AGBL1: variants seen among roughly 807,000 people sequenced by gnomAD.
AGBL1 encodes cytosolic carboxypeptidase 4.
In AGBL1, 130 loss-of-function variants were observed where a neutral mutation model predicts 118.9. That is an observed-to-expected ratio of 1.09 (90% CI 0.95 to 1.26). The LOEUF is 1.26. Ranked by LOEUF, AGBL1 falls within the 50% of genes most tolerant of loss-of-function variation. AGBL1 has a pLI of 0.00. For missense variants in AGBL1, 1,584 were observed against 1,298.1 expected (o/e 1.22, Z -3.38); for synonymous variants, 555 against 478.9 (o/e 1.16, Z -2.08).
At chr15:86,662,092 C>T (rs956742141) in intron 21 of AGBL1, among the ~76,000 whole-genome samples, 1 of 146,876 alleles carries the variant, frequency 6.8e-6, no homozygotes, top group Non-Finnish European at 1.5e-5. Flanking sequence ...ATCAAATGAC[C>T]ATGTAAAATT....
intron 18 of AGBL1, among the ~76,000 whole-genome samples, chr15:86,415,074 G>A (rs74025125): frequency 0.013 from 1,916 of 152,252 alleles, 40 homozygotes; most frequent in African/African-American, 0.044. Flanking sequence ...TTGCTATTAC[G>A]AAGGCCTCAG....
At chr15:86,997,456 A>G (rs2081390712) in intron 24 of AGBL1, among the ~76,000 whole-genome samples, 1 of 152,210 alleles carries the variant, frequency 6.6e-6, no homozygotes, top group Non-Finnish European at 1.5e-5. Context: ...AAATAATTGA[A>G]GACTAAATTA....
intron 5 of AGBL1, among the ~76,000 whole-genome samples, chr15:86,188,066 T>C (rs2077661337): frequency 1.3e-5 from 2 of 152,238 alleles, no homozygotes; most frequent in African/African-American, 4.8e-5. Context: ...TGCTTAATAG[T>C]AGCTACTGAA....
At chr15:86,792,848 A>G (rs572880876) in intron 22 of AGBL1, among the ~76,000 whole-genome samples, 1 of 152,206 alleles carries the variant, frequency 6.6e-6, no homozygotes, top group Non-Finnish European at 1.5e-5. Context: ...AAGGTTAGAG[A>G]AGTCAAAGCT....
intron 5 of AGBL1, among the ~76,000 whole-genome samples, chr15:86,207,168 A>G (rs180845815): frequency 2.0e-5 from 3 of 152,042 alleles, no homozygotes; most frequent in Non-Finnish European, 4.4e-5. Flanking sequence ...CCATTGGTCT[A>G]TCTCTCTGTT....
intron 17 of AGBL1, among the ~76,000 whole-genome samples, chr15:86,375,205 A>C (rs185890123): frequency 6.6e-6 from 1 of 152,184 alleles, no homozygotes; most frequent in African/African-American, 2.4e-5. Context: ...TAAGTAATTT[A>C]TAAAGAAAAG....
At chr15:86,789,305 A>G (rs1362552197) in intron 22 of AGBL1, among the ~76,000 whole-genome samples, 3 of 152,250 alleles carry the variant, frequency 2.0e-5, no homozygotes, top group African/African-American at 4.8e-5. Flanking sequence ...GGGAAGTAGC[A>G]TAATGCAGAC....
At chr15:86,876,799 A>G (rs1260002018) in intron 22 of AGBL1, among the ~76,000 whole-genome samples, 1 of 152,176 alleles carries the variant, frequency 6.6e-6, no homozygotes, top group Non-Finnish European at 1.5e-5. Flanking sequence ...TGCAGAATGT[A>G]GTTGGCTGAG....
chr15:86,189,208 C>T (rs910136812), intron 5 of AGBL1, among the ~76,000 whole-genome samples: 5 of 152,134 alleles, frequency 3.3e-5, no homozygotes, highest in Admixed American at 6.5e-5. Flanking sequence ...GGTTAAACTT[C>T]GTGTTTTAAA....
chr15:86,238,174 C>G (rs895181836), intron 6 of AGBL1, among the ~76,000 whole-genome samples: 14 of 152,232 alleles, frequency 9.2e-5, no homozygotes, highest in Middle Eastern at 3.4e-3. Context: ...TGTGAAATTG[C>G]CTTGTTTAGT....
At chr15:86,728,245 T>C (rs945523759) in intron 22 of AGBL1, among the ~76,000 whole-genome samples, 1 of 152,244 alleles carries the variant, frequency 6.6e-6, no homozygotes, top group Non-Finnish European at 1.5e-5. Flanking sequence ...CAGGTGGACC[T>C]GGGGCCTTTG....
At chr15:86,991,611 C>G (rs893985792) in intron 24 of AGBL1, among the ~76,000 whole-genome samples, 1 of 152,040 alleles carries the variant, frequency 6.6e-6, no homozygotes, top group Admixed American at 6.6e-5. Context: ...GACTGAGGGA[C>G]CATGGAGGGC....
chr15:86,330,281 G>A (rs1249923736), intron 17 of AGBL1, among the ~76,000 whole-genome samples: 3 of 152,194 alleles, frequency 2.0e-5, no homozygotes, highest in Admixed American at 2.0e-4. Context: ...CATAAGGTAC[G>A]TCTACTGGCT....
intron 18 of AGBL1, among the ~76,000 whole-genome samples, chr15:86,486,410 T>C (rs907678928): frequency 6.6e-6 from 1 of 152,152 alleles, no homozygotes; most frequent in Admixed American, 6.6e-5. Flanking sequence ...GCAAAAGTAA[T>C]GATTCCATGC....
At chr15:86,465,246 C>G (rs1453819778) in intron 18 of AGBL1, among the ~76,000 whole-genome samples, 1 of 152,102 alleles carries the variant, frequency 6.6e-6, no homozygotes, top group African/African-American at 2.4e-5. Context: ...TATCACTTCC[C>G]CAATCAATAC....
chr15:87,019,672 A>G (rs1219378108), intron 24 of AGBL1, among the ~76,000 whole-genome samples: 5 of 152,238 alleles, frequency 3.3e-5, no homozygotes, highest in South Asian at 4.1e-4. Context: ...AAAAAACTAG[A>G]AAAGTCTCAA....
In AGBL1 at chr15:86,461,141, G is replaced by C. The variant is rs1036804016; in HGVS notation, c.2556-61669G>C. 3.9e-5 allele frequency among the ~76,000 whole-genome samples: 6 copies of C among 152,144 alleles called. No homozygotes were observed. In the East Asian group the frequency reaches 1.2e-3, roughly 29 times the overall value. On this transcript the variant is annotated intron_variant, in intron 18 of 22. Coordinates refer to ENST00000614907, the MANE Select transcript of AGBL1 (RefSeq NM_001386094.1). ...GGTGATTCTGATGTCATTGTTCTGG[G>C]CTATAGCCTGGGATCAGGGACTTTA...
At chr15:86,685,868 T>C (rs2086044659) in intron 22 of AGBL1, among the ~76,000 whole-genome samples, 1 of 152,112 alleles carries the variant, frequency 6.6e-6, no homozygotes, top group Non-Finnish European at 1.5e-5. Context: ...GAAAAATTAG[T>C]CCATAAAATG....
chr15:86,647,369 A>G (rs529814566), intron 21 of AGBL1, among the ~76,000 whole-genome samples: 1 of 152,360 alleles, frequency 6.6e-6, no homozygotes, highest in East Asian at 1.9e-4. Flanking sequence ...ACCAATGAAC[A>G]AAACAGAAAT....
Sources: allele counts gnomAD v4.1 joint callset (sites outside exome capture counted in the v4.1 genomes callset), GRCh38; gene constraint gnomAD v4.1.1; transcripts MANE v1.5; gene names NCBI Gene and HGNC (gene_info 2026-07-23, HGNC 2026-07-21).